PIP5K1B: variants seen among roughly 807,000 people sequenced by gnomAD.
The protein encoded by PIP5K1B is phosphatidylinositol-4-phosphate 5-kinase type 1 beta.
In PIP5K1B, 42 loss-of-function variants were observed where a neutral mutation model predicts 67.0. The ratio of observed to expected loss-of-function variants is 0.63; its 90% CI spans 0.49 to 0.81. PIP5K1B has a LOEUF of 0.81. Ranked by LOEUF, PIP5K1B falls within the 30% of genes least tolerant of loss-of-function variation. PIP5K1B has a pLI of 0.00. For synonymous variants in PIP5K1B, 214 were observed against 231.4 expected (o/e 0.92, Z 0.68); for missense variants, 459 against 646.3 (o/e 0.71, Z 3.14).
chr9:68,917,450 G>A, intron 8 of PIP5K1B, 98 bp from the exon 9 acceptor site: 3 of 833,948 alleles, frequency 3.6e-6, no homozygotes, highest in Non-Finnish European at 6.0e-6. Flanking sequence ...GGAATAACAG[G>A]AGCTGTGTGT....
At chr9:68,977,260 G>A (rs997647961) in intron 14 of PIP5K1B, among the ~76,000 whole-genome samples, 6 of 152,168 alleles carry the variant, frequency 3.9e-5, no homozygotes, top group Admixed American at 2.6e-4. Flanking sequence ...GGTGGCTCAC[G>A]GCTGTAATCC....
Position 68,940,736 on chromosome 9 carries a change from C to T in PIP5K1B, c.1448C>T (p.Ser483Phe). 6.2e-7 allele frequency: 1 copy of T among 1,613,974 alleles called. No individual in the cohort carries two copies. The highest frequency in any genetic ancestry group is 8.5e-7 in the Non-Finnish European group (1 of 1,179,878). The change falls in exon 14 of 16, where the codon TCC becomes TTC. Residue 483 changes from serine to phenylalanine, a missense_variant. Ser to Phe is a radical substitution (Grantham distance 155, BLOSUM62 -2). This residue lies in a region of PIP5K1B where 169 missense variants were observed against 171.9 expected (regional missense o/e 0.98). Coordinates refer to ENST00000265382, the MANE Select transcript of PIP5K1B (RefSeq NM_003558.4). ...TTGGCAACCACAATTTCATCTTCTTCCTTATACGTCAATGAGCACTATCCA... is the reference window on the plus strand; with the variant it reads ...TTGGCAACCACAATTTCATCTTCTTTCTTATACGTCAATGAGCACTATCCA... ...ASLATTISSS[S>F]LYVNEHYPHD... is the part of the protein sequence containing the mutation.
chr9:68,757,781 A>T (rs1829999401), intron 2 of PIP5K1B, among the ~76,000 whole-genome samples: 1 of 152,204 alleles, frequency 6.6e-6, no homozygotes, highest in Admixed American at 6.5e-5. Flanking sequence ...TGCAAATTTT[A>T]TGAAATCTAA....
rs570041597 is a variant in PIP5K1B at position 68,945,677 on chromosome 9, T to G, written c.1502+4887T>G. Among the ~76,000 whole-genome samples the G allele has an allele frequency of 1.4e-4, 22 of 152,324 alleles. No homozygotes were observed. The East Asian group carries it at 4.2e-3, about 29-fold the overall frequency. On this transcript the variant is annotated intron_variant, in intron 14 of 15. Coordinates refer to ENST00000265382, the MANE Select transcript of PIP5K1B (RefSeq NM_003558.4). ...TAATTCTCACAGCAATTCTGTAAAGTTATTATATTTACGGTCTCCATCTTA... is the reference window on the plus strand; with the variant it reads ...TAATTCTCACAGCAATTCTGTAAAGGTATTATATTTACGGTCTCCATCTTA...
intron 12 of PIP5K1B, among the ~76,000 whole-genome samples, chr9:68,924,109 T>TA (rs1183665055): frequency 7.4e-6 from 1 of 135,016 alleles, no homozygotes. Context: ...ACTCTTACCT[T>TA]TAAAAAAAAA....
intron 4 of PIP5K1B, among the ~76,000 whole-genome samples, chr9:68,839,884 G>A (rs748673587): frequency 1.3e-5 from 2 of 152,200 alleles, no homozygotes; most frequent in Admixed American, 6.5e-5. Context: ...GGCCAAGTGT[G>A]TACTCTTCCT....
In PIP5K1B at chr9:68,863,843, T is replaced by C. The variant is rs1352452607; in HGVS notation, c.76T>C (p.Ser26Pro). The change falls in exon 5 of 16, where the codon TCA (serine) becomes CCA (proline). Residue 26 changes from serine to proline, a missense_variant. Transcript: ENST00000265382. ...NEEKTYKKTA[S>P]SAIKGAIQLG... ...ACCCTTGTTTTCTTTGCAGACTGCA[T>C]CATCTGCTATTAAAGGTGCTATTCA... 6.2e-7 allele frequency: 1 copy of C among 1,613,518 alleles called. No individual in the cohort carries two copies. The highest frequency in any genetic ancestry group is 2.2e-5 in the East Asian group (1 of 44,868).
chr9:68,745,551 A>C (rs919763307), intron 2 of PIP5K1B, among the ~76,000 whole-genome samples: 5 of 152,158 alleles, frequency 3.3e-5, no homozygotes. Flanking sequence ...TGCACATGAC[A>C]CACAGCATAG....
intron 4 of PIP5K1B, among the ~76,000 whole-genome samples, chr9:68,831,410 C>A (rs550607017): frequency 2.6e-5 from 4 of 152,294 alleles, no homozygotes; most frequent in African/African-American, 9.6e-5. Context: ...GACCATTTTA[C>A]AGATGAGAAA....
chr9:68,947,067 C>G (rs1034603565), intron 14 of PIP5K1B, among the ~76,000 whole-genome samples: 1 of 152,200 alleles, frequency 6.6e-6, no homozygotes, highest in African/African-American at 2.4e-5. Flanking sequence ...CCGCATAAGT[C>G]TCACTGTAAA....
chr9:68,755,392 T>G (rs1372101955), intron 2 of PIP5K1B, among the ~76,000 whole-genome samples: 1 of 152,216 alleles, frequency 6.6e-6, no homozygotes, highest in Non-Finnish European at 1.5e-5. Flanking sequence ...ATATATTAGG[T>G]GCTAATGTCA....
chr9:68,948,114 T>C (rs980890152), intron 14 of PIP5K1B, among the ~76,000 whole-genome samples: 2 of 152,240 alleles, frequency 1.3e-5, no homozygotes, highest in Non-Finnish European at 2.9e-5. Context: ...TCACATTCTT[T>C]CATTCTTAGT....
At chr9:68,887,798 C>G (rs1211537973) in intron 6 of PIP5K1B, among the ~76,000 whole-genome samples, 1 of 152,048 alleles carries the variant, frequency 6.6e-6, no homozygotes, top group Non-Finnish European at 1.5e-5. Flanking sequence ...TGTGAGGAAT[C>G]AAGGATGATG....
In PIP5K1B at chr9:68,789,471, C is replaced by CA. The variant is rs1477729239; in HGVS notation, c.-85-28983dup. 2.7e-5 allele frequency: 14 copies of CA among 514,822 alleles called. No individual in the cohort carries two copies. In the East Asian group the frequency reaches 3.2e-4, roughly 12 times the overall value. 31.9% of individuals were successfully genotyped at this position (514,822 alleles called of 1,614,324 possible). ...GAGACCTCCATCTGGATCACAGCCA[C>CA]AAAAAAAGATCTTGTGGTGGTAAAC... On this transcript the variant is annotated intron_variant, in intron 2 of 15. Transcript: ENST00000265382.
At chr9:68,825,494 A>C (rs1184801847) in intron 4 of PIP5K1B, among the ~76,000 whole-genome samples, 1 of 152,228 alleles carries the variant, frequency 6.6e-6, no homozygotes. Context: ...TAGCAAACAG[A>C]CTACACAAGT....
chr9:68,948,888 T>C (rs1344355898), intron 14 of PIP5K1B, among the ~76,000 whole-genome samples: 6 of 152,214 alleles, frequency 3.9e-5, no homozygotes, highest in Non-Finnish European at 8.8e-5. Context: ...AAGTGAATTT[T>C]TCAGATATCT....
chr9:68,942,825 A>G (rs964559088), intron 14 of PIP5K1B, among the ~76,000 whole-genome samples: 6 of 152,174 alleles, frequency 3.9e-5, no homozygotes, highest in Admixed American at 6.5e-5. Context: ...ATATTTCACT[A>G]TCAATCAAGG....
At chr9:68,917,982 A>G (rs1826183946) in intron 9 of PIP5K1B, among the ~76,000 whole-genome samples, 1 of 152,204 alleles carries the variant, frequency 6.6e-6, no homozygotes, top group Non-Finnish European at 1.5e-5. Context: ...TTCTTTTTTT[A>G]ACAATGGCTG....
intron 12 of PIP5K1B, among the ~76,000 whole-genome samples, chr9:68,925,210 T>C (rs926111272): frequency 2.0e-5 from 3 of 152,196 alleles, no homozygotes; most frequent in Non-Finnish European, 4.4e-5. Flanking sequence ...TTCTTAATAG[T>C]TTATGAACAT....
Sources: gnomAD v4.1 joint callset for allele counts (sites outside exome capture counted in the v4.1 genomes callset) on GRCh38, gnomAD v4.1.1 for gene constraint, gnomAD v4.1.1 regional missense constraint, MANE v1.5 for transcripts, NCBI Gene and HGNC (gene_info 2026-07-23, HGNC 2026-07-21) for gene names.